Variants in DDX10 observed in about 807,000 individuals in gnomAD.
DDX10 encodes probable ATP-dependent RNA helicase DDX10.
DDX10 carries 74 observed loss-of-function variants against 104.3 expected under a neutral mutation model. The observed-to-expected ratio is 0.71, with a 90% confidence interval of 0.59 to 0.86. DDX10 has a LOEUF of 0.86. DDX10 is among the 40% of genes least tolerant of loss of function. The pLI is 0.00. For synonymous variants in DDX10, 351 were observed against 353.4 expected (o/e 0.99, Z 0.08); for missense variants, 952 against 1,040.0 (o/e 0.92, Z 1.16).
At chr11:108,686,945 C>T (rs12279185) in intron 6 of DDX10, among the ~76,000 whole-genome samples, 7,854 of 152,072 alleles carry the variant, frequency 0.052, 674 homozygotes, top group African/African-American at 0.18. Context: ...CCACCACGCC[C>T]GGCTACTTTT....
chr11:108,881,867 AATAGTCTAT>A (rs937434538), intron 16 of DDX10, among the ~76,000 whole-genome samples: 4 of 152,152 alleles, frequency 2.6e-5, no homozygotes, highest in Non-Finnish European at 5.9e-5. Context: ...ATTTTAGATA[AATAGTCTAT>A]ATAGAGTTCC....
chr11:108,677,331 A>T, intron 4 of DDX10, 88 bp downstream of exon 4: 2 of 1,233,898 alleles, frequency 1.6e-6, no homozygotes, highest in East Asian at 2.4e-5. Flanking sequence ...CAGAGACTTC[A>T]TCTAAACAGA....
chr11:108,760,365 G>A (rs1406813778), intron 13 of DDX10, among the ~76,000 whole-genome samples: 1 of 151,954 alleles, frequency 6.6e-6, no homozygotes, highest in East Asian at 1.9e-4. Flanking sequence ...GAGAAGGCAG[G>A]GAAGGACATG....
rs184682388 is a variant in DDX10, at chr11:108,691,832, T to C, written c.976-44T>C. The C allele has an allele frequency of 9.3e-4, 1,467 of 1,570,518 alleles. 7 individuals carry two copies. Among genetic ancestry groups the C allele is most frequent in the Middle Eastern group, 4.6e-3 (27 of 5,868 alleles). Reference sequence around the variant, plus strand: ...GTTGATAAGAGAAAAGCTTTATTGCTGCCATCTGCCATAAGCAAACTTATT... The same window carrying C: ...GTTGATAAGAGAAAAGCTTTATTGCCGCCATCTGCCATAAGCAAACTTATT... On this transcript the variant is annotated intron_variant, in intron 7 of 17. Transcript: ENST00000322536.
At position 108,936,193 on chromosome 11, in the gene DDX10, A is replaced by G. The variant is rs140999395; in HGVS notation, c.2451-4053A>G. On this transcript the variant is annotated intron_variant, in intron 17 of 17. Transcript: ENST00000322536. ...GATTATGTAGCATACCTACTCTGTC[A>G]TCATGTGTTCAGATTACATATTACA... 3.9e-3 allele frequency among the ~76,000 whole-genome samples: 597 copies of G among 152,352 alleles called. 7 individuals carry two copies. Among genetic ancestry groups the G allele is most frequent in the African/African-American group, 0.014 (572 of 41,594 alleles).
chr11:108,815,709 T>C (rs1214826600), intron 13 of DDX10, among the ~76,000 whole-genome samples: 2 of 152,238 alleles, frequency 1.3e-5, no homozygotes, highest in Non-Finnish European at 2.9e-5. Context: ...AACACAGTGA[T>C]AAGAATTCTT....
chr11:108,717,677 A>G (rs931475544), intron 11 of DDX10, among the ~76,000 whole-genome samples: 4 of 152,196 alleles, frequency 2.6e-5, no homozygotes, highest in African/African-American at 9.7e-5. Flanking sequence ...ATTTTAGCAA[A>G]TTATCATTGG....
At chr11:108,807,161 A>G (rs1565284878) in intron 13 of DDX10, among the ~76,000 whole-genome samples, 2 of 152,112 alleles carry the variant, frequency 1.3e-5, no homozygotes, top group South Asian at 4.2e-4. Context: ...GAGATAGATG[A>G]TGAGGGAAAG....
At chr11:108,755,892 A>G (rs1039320369) in intron 13 of DDX10, among the ~76,000 whole-genome samples, 1 of 151,994 alleles carries the variant, frequency 6.6e-6, no homozygotes, top group Non-Finnish European at 1.5e-5. Context: ...TGCATAACAG[A>G]TGCTCAACAA....
chr11:108,724,564 A>G (rs967201048), intron 13 of DDX10, among the ~76,000 whole-genome samples: 1 of 152,090 alleles, frequency 6.6e-6, no homozygotes, highest in Non-Finnish European at 1.5e-5. Context: ...CCTGCTTCAA[A>G]TTAGATCATT....
At chr11:108,745,972 A>G (rs2094331413) in intron 13 of DDX10, among the ~76,000 whole-genome samples, 1 of 152,148 alleles carries the variant, frequency 6.6e-6, no homozygotes, top group Admixed American at 6.5e-5. Context: ...AGTTTGTAGT[A>G]TGTTCACAAA....
chr11:108,818,994 G>T (rs538050211), intron 13 of DDX10, among the ~76,000 whole-genome samples: 1 of 152,182 alleles, frequency 6.6e-6, no homozygotes, highest in African/African-American at 2.4e-5. Flanking sequence ...TTGGGGTTCT[G>T]TTGGTGGGAA....
chr11:108,684,067 C>T (rs2094239273), intron 6 of DDX10, among the ~76,000 whole-genome samples: 1 of 138,962 alleles, frequency 7.2e-6, no homozygotes, highest in Non-Finnish European at 1.5e-5. Context: ...TATCTTGATT[C>T]TTCAGATGCA....
At position 108,898,372 on chromosome 11, in the gene DDX10, G is replaced by A. The variant is rs189301496; in HGVS notation, c.2305-19501G>A. 9.1e-4 allele frequency among the ~76,000 whole-genome samples: 138 copies of A among 152,214 alleles called. 1 individual carries two copies. Among genetic ancestry groups the A allele is most frequent in the African/African-American group, 3.3e-3 (135 of 41,536 alleles). ...TATGTTACATGTCTCGGAGTTCCCAGTCTTTTCAGGCTGGCCACCAGACAT... is the reference window on the plus strand; with the variant it reads ...TATGTTACATGTCTCGGAGTTCCCAATCTTTTCAGGCTGGCCACCAGACAT... On this transcript the variant is annotated intron_variant, in intron 16 of 17. Coordinates refer to ENST00000322536, the MANE Select transcript of DDX10 (RefSeq NM_004398.4).
intron 10 of DDX10, among the ~76,000 whole-genome samples, chr11:108,707,828 C>T (rs1029045027): frequency 6.6e-6 from 1 of 152,098 alleles, no homozygotes; most frequent in Non-Finnish European, 1.5e-5. Context: ...TCAGCAGTTC[C>T]CTTAATCCTA....
At chr11:108,828,128 G>T (rs1261171791) in intron 13 of DDX10, among the ~76,000 whole-genome samples, 1 of 151,946 alleles carries the variant, frequency 6.6e-6, no homozygotes, top group Non-Finnish European at 1.5e-5. Flanking sequence ...ACTTGCTGGG[G>T]GTGGTATTAA....
chr11:108,678,459 T>TAAAAAAA, intron 5 of DDX10, 24 bp downstream of exon 5: 1 of 1,191,974 alleles, frequency 8.4e-7, no homozygotes, highest in Non-Finnish European at 1.1e-6. Flanking sequence ...ATTTCTAATT[T>TAAAAAAA]AAAAAAAAAA....
chr11:108,706,705 T>C (rs1238657215), intron 9 of DDX10, 34 bp from the exon 10 acceptor site: 1 of 1,499,832 alleles, frequency 6.7e-7, no homozygotes, highest in East Asian at 2.3e-5. Context: ...CAGATTGCAT[T>C]GATGTGTTAA....
At chr11:108,883,546 C>G (rs949188698) in intron 16 of DDX10, among the ~76,000 whole-genome samples, 1 of 152,244 alleles carries the variant, frequency 6.6e-6, no homozygotes, top group African/African-American at 2.4e-5. Flanking sequence ...CATGTTATCT[C>G]TCTAATAAGG....
Sources: allele counts gnomAD v4.1 joint callset (sites outside exome capture counted in the v4.1 genomes callset), GRCh38; gene constraint gnomAD v4.1.1; transcripts MANE v1.5; gene names NCBI Gene and HGNC (gene_info 2026-07-23, HGNC 2026-07-21).